MAF: variants seen among roughly 807,000 people sequenced by gnomAD.
The protein encoded by MAF is MAF bZIP transcription factor.
MAF carries 10 observed loss-of-function variants against 22.0 expected under a neutral mutation model. The ratio of observed to expected loss-of-function variants is 0.45; its 90% CI spans 0.28 to 0.77. MAF has a LOEUF of 0.77. Ranked by LOEUF, MAF falls within the 30% of genes least tolerant of loss-of-function variation. MAF has a pLI of 0.12. For missense variants in MAF, 544 were observed against 548.4 expected, an observed-to-expected ratio of 0.99 and a Z score of 0.08; for synonymous variants, 337 against 255.8, an observed-to-expected ratio of 1.32 and a Z score of -3.03.
the MAF span, among the ~76,000 whole-genome samples, chr16:79,448,377 A>ATTT: frequency 4.1e-4 from 58 of 141,720 alleles, no homozygotes; most frequent in African/African-American, 1.3e-3. Context: ...GAATGCTAGC[A>ATTT]TTTTTTTTTT....
the MAF span, among the ~76,000 whole-genome samples, chr16:79,516,547 T>C: frequency 1.3e-5 from 2 of 152,200 alleles, no homozygotes; most frequent in African/African-American, 4.8e-5. Flanking sequence ...TAGTAATAAT[T>C]AATATAATAC....
At chr16:79,574,087 G>A in the MAF span, among the ~76,000 whole-genome samples, 3 of 152,190 alleles carry the variant, frequency 2.0e-5, no homozygotes, top group South Asian at 2.1e-4. Context: ...TGAACTTCAC[G>A]CTCACAGAGT....
At chr16:79,326,175 G>T in the MAF span, among the ~76,000 whole-genome samples, 1 of 152,144 alleles carries the variant, frequency 6.6e-6, no homozygotes, top group African/African-American at 2.4e-5. Flanking sequence ...AGATTTTCTT[G>T]ATGATATTAT....
chr16:79,371,395 C>A, the MAF span, among the ~76,000 whole-genome samples: 1 of 152,160 alleles, frequency 6.6e-6, no homozygotes, highest in Non-Finnish European at 1.5e-5. Context: ...ACACAGACGC[C>A]TCCTCTCAAT....
the MAF span, among the ~76,000 whole-genome samples, chr16:79,316,523 A>G: frequency 1.3e-5 from 2 of 151,960 alleles, no homozygotes; most frequent in Non-Finnish European, 2.9e-5. Flanking sequence ...GATAAATGTT[A>G]CCTTCTTTGA....
At chr16:79,510,700 G>T in the MAF span, among the ~76,000 whole-genome samples, 9 of 152,212 alleles carry the variant, frequency 5.9e-5, no homozygotes, top group Non-Finnish European at 1.2e-4. Context: ...CCTCAAAGGG[G>T]ACATACACAT....
the MAF span, among the ~76,000 whole-genome samples, chr16:79,495,480 C>T: frequency 6.6e-6 from 1 of 152,052 alleles, no homozygotes; most frequent in African/African-American, 2.4e-5. Context: ...AGATGCTCAC[C>T]TTACTTCTAT....
At chr16:79,483,033 C>CTTCCCTTTGT in the MAF span, among the ~76,000 whole-genome samples, 15 of 21,986 alleles carry the variant, frequency 6.8e-4, 1 homozygote, top group Non-Finnish European at 9.7e-4. Context: ...CCCTCCCCTC[C>CTTCCCTTTGT]CTCCCTCCCC....
At chr16:79,394,456 T>C in the MAF span, among the ~76,000 whole-genome samples, 1 of 152,162 alleles carries the variant, frequency 6.6e-6, no homozygotes, top group Non-Finnish European at 1.5e-5. Flanking sequence ...CATGCATCTT[T>C]TACTGCCTGC....
chr16:79,444,957 G>A, the MAF span, among the ~76,000 whole-genome samples: 2 of 152,198 alleles, frequency 1.3e-5, no homozygotes, highest in African/African-American at 4.8e-5. Flanking sequence ...GTGTATGTGA[G>A]AGTGGAGTTC....
chr16:79,591,270 G>C (rs981102611), downstream of MAF, among the ~76,000 whole-genome samples: 2 of 152,166 alleles, frequency 1.3e-5, no homozygotes, highest in African/African-American at 4.8e-5. Context: ...GGCCTGGGTT[G>C]AGGGGTGAGG....
At chr16:79,587,076 C>T (rs1472233261) in intron 1 of MAF, among the ~76,000 whole-genome samples, 1 of 152,196 alleles carries the variant, frequency 6.6e-6, no homozygotes, top group Non-Finnish European at 1.5e-5. Flanking sequence ...TTCCACATAA[C>T]CCTCTAATTC....
chr16:79,234,376 T>A, the MAF span, among the ~76,000 whole-genome samples: 4 of 152,280 alleles, frequency 2.6e-5, no homozygotes, highest in East Asian at 3.9e-4. Context: ...AGAAGAAATA[T>A]GTTCAATATC....
the MAF span, among the ~76,000 whole-genome samples, chr16:79,395,008 A>G: frequency 2.0e-5 from 3 of 152,214 alleles, no homozygotes; most frequent in Non-Finnish European, 2.9e-5. Context: ...TGCTTATTAA[A>G]TGCTTAGTAA....
At chr16:79,225,257 G>A in the MAF span, among the ~76,000 whole-genome samples, 3 of 152,126 alleles carry the variant, frequency 2.0e-5, no homozygotes, top group African/African-American at 7.2e-5. Flanking sequence ...AACAAGCAAT[G>A]GGGAAAGAAT....
At chr16:79,446,103 G>A in the MAF span, among the ~76,000 whole-genome samples, 2 of 152,106 alleles carry the variant, frequency 1.3e-5, no homozygotes, top group African/African-American at 4.8e-5. Context: ...AAGCAGGGAC[G>A]GGCAGAGGGG....
At chr16:79,589,485 GA>G (rs774982205), downstream of MAF, among the ~76,000 whole-genome samples, 6 of 148,228 alleles carry the variant, frequency 4.0e-5, no homozygotes, top group Admixed American at 3.3e-4. Flanking sequence ...ACCGAAGCAG[GA>G]AAAAAAAAGA....
At chr16:79,509,575 C>T in the MAF span, among the ~76,000 whole-genome samples, 1 of 152,366 alleles carries the variant, frequency 6.6e-6, no homozygotes, top group East Asian at 1.9e-4. Flanking sequence ...CCTTCCCATT[C>T]CTGGCTGGAG....
chr16:79,229,417 G>C, the MAF span: 3 of 152,024 alleles, frequency 2.0e-5, no homozygotes, highest in Admixed American at 6.6e-5. Context: ...AGCTAGAGCA[G>C]TTTCACCTTC....
Sources: gnomAD v4.1 joint callset for allele counts (sites outside exome capture counted in the v4.1 genomes callset) on GRCh38, gnomAD v4.1.1 for gene constraint, MANE v1.5 for transcripts, NCBI Gene and HGNC (gene_info 2026-07-23, HGNC 2026-07-21) for gene names.